The following SLC35F3 variants were observed in gnomAD, a reference collection of about 807,000 sequenced individuals.
SLC35F3 encodes putative thiamine transporter SLC35F3.
A neutral mutation model predicts 49.9 loss-of-function variants in SLC35F3; 25 were observed. The ratio of observed to expected loss-of-function variants is 0.50; its 90% confidence interval spans 0.37 to 0.70. The LOEUF (loss-of-function observed/expected upper bound fraction) is 0.70, where lower values mean the gene tolerates loss of function less well. Among genes scored for constraint, SLC35F3 ranks in the 30% least tolerant of loss-of-function variants. SLC35F3 has a pLI of 0.00. For missense variants in SLC35F3, 525 were observed against 639.8 expected, an observed-to-expected ratio of 0.82 and a Z score of 1.94; for synonymous variants, 275 against 265.4, an observed-to-expected ratio of 1.04 and a Z score of -0.35.
At chr1:234,290,745 G>T (rs1668494093) in intron 3 of SLC35F3, among the ~76,000 whole-genome samples, 1 of 152,236 alleles carries the variant, frequency 6.6e-6, no homozygotes, top group South Asian at 2.1e-4. Context: ...TTACTAGAAA[G>T]ATATTATAGA....
intron 2 of SLC35F3, among the ~76,000 whole-genome samples, chr1:234,001,905 G>T (rs1437061622): frequency 6.6e-6 from 1 of 152,212 alleles, no homozygotes; most frequent in African/African-American, 2.4e-5. Flanking sequence ...TCATCATCAA[G>T]CTGTCCTAAA....
At chr1:233,969,060 T>TTGG (rs147668566) in intron 2 of SLC35F3, among the ~76,000 whole-genome samples, 1 of 145,524 alleles carries the variant, frequency 6.9e-6, no homozygotes, top group African/African-American at 2.6e-5. Flanking sequence ...TGACATATTT[T>TTGG]GGGGGGGGGG....
chr1:234,138,272 A>G (rs967821833), intron 2 of SLC35F3, among the ~76,000 whole-genome samples: 1 of 152,218 alleles, frequency 6.6e-6, no homozygotes, highest in Non-Finnish European at 1.5e-5. Flanking sequence ...GGTGAGGATT[A>G]AATAAGACAA....
chr1:234,211,607 C>A (rs962920798), intron 2 of SLC35F3, among the ~76,000 whole-genome samples: 2 of 152,204 alleles, frequency 1.3e-5, no homozygotes, highest in African/African-American at 4.8e-5. Context: ...TTGCATGAGG[C>A]CTGTAGCCAC....
intron 2 of SLC35F3, among the ~76,000 whole-genome samples, chr1:234,192,342 C>T (rs900154841): frequency 1.3e-4 from 20 of 152,056 alleles, no homozygotes; most frequent in Admixed American, 2.6e-4. Context: ...GAATTAAAAA[C>T]AAAAATCACA....
In SLC35F3 at chr1:234,252,971, C is replaced by T. The variant is rs183679216; in HGVS notation, c.608+21230C>T. Among the ~76,000 whole-genome samples, 42 of 152,226 alleles carry T rather than the reference C, an allele frequency of 2.8e-4. 1 individual carries two copies. Among genetic ancestry groups the T allele is most frequent in the Middle Eastern group, 3.4e-3 (1 of 294 alleles). Reference sequence around the variant, plus strand: ...TAATTAGCTAAAGATTAGAAACAACCTAAAATATTCAACAATCAGGAACTG... The same window carrying T: ...TAATTAGCTAAAGATTAGAAACAACTTAAAATATTCAACAATCAGGAACTG... On this transcript the variant is annotated intron_variant, in intron 3 of 7. Transcript: ENST00000366618.
At chr1:233,946,640 T>C (rs374934110) in intron 2 of SLC35F3, among the ~76,000 whole-genome samples, 1 of 152,350 alleles carries the variant, frequency 6.6e-6, no homozygotes, top group East Asian at 1.9e-4. Flanking sequence ...CAATGCTTGT[T>C]ATGGTCAGTG....
At chr1:234,185,966 A>G (rs1269558419) in intron 2 of SLC35F3, among the ~76,000 whole-genome samples, 3 of 152,192 alleles carry the variant, frequency 2.0e-5, no homozygotes, top group African/African-American at 7.2e-5. Context: ...GTCTGTAAAA[A>G]GATTCCTAGT....
intron 2 of SLC35F3, among the ~76,000 whole-genome samples, chr1:234,008,252 G>A (rs9435540): frequency 0.49 from 74,488 of 152,086 alleles, 20,515 homozygotes; most frequent in Non-Finnish European, 0.63. Context: ...TGCTGGTATT[G>A]AATTCAGGGA....
intron 2 of SLC35F3, among the ~76,000 whole-genome samples, chr1:234,195,344 CCA>C (rs1157524605): frequency 6.6e-6 from 1 of 152,174 alleles, no homozygotes; most frequent in African/African-American, 2.4e-5. Context: ...CCATCCAATT[CCA>C]CAGTCCAATT....
At chr1:234,111,453 G>A (rs1016510452) in intron 2 of SLC35F3, among the ~76,000 whole-genome samples, 2 of 152,156 alleles carry the variant, frequency 1.3e-5, no homozygotes, top group Non-Finnish European at 2.9e-5. Flanking sequence ...CACCATGCCT[G>A]GCTAATTTTC....
intron 2 of SLC35F3, among the ~76,000 whole-genome samples, chr1:233,951,422 G>A (rs1662606332): frequency 6.6e-6 from 1 of 151,804 alleles, no homozygotes; most frequent in Non-Finnish European, 1.5e-5. Flanking sequence ...TCCATTCATG[G>A]TAAGTGCCCT....
At chr1:234,293,116 A>G (rs946911424) in intron 3 of SLC35F3, among the ~76,000 whole-genome samples, 1 of 152,242 alleles carries the variant, frequency 6.6e-6, no homozygotes, top group African/African-American at 2.4e-5. Context: ...AGATGAGAGT[A>G]ACTTTATTTT....
intron 2 of SLC35F3, among the ~76,000 whole-genome samples, chr1:234,060,805 T>C (rs1479391093): frequency 6.6e-6 from 1 of 152,172 alleles, no homozygotes. Flanking sequence ...TCTGTTTCTC[T>C]CCATTTCTTC....
chr1:233,952,778 T>C (rs2102805924), intron 2 of SLC35F3, among the ~76,000 whole-genome samples: 1 of 152,252 alleles, frequency 6.6e-6, no homozygotes, highest in Non-Finnish European at 1.5e-5. Context: ...ACATGTGCAC[T>C]GCTGTCCATT....
chr1:234,111,037 G>C (rs1217172098), intron 2 of SLC35F3, among the ~76,000 whole-genome samples: 1 of 152,068 alleles, frequency 6.6e-6, no homozygotes, highest in East Asian at 1.9e-4. Flanking sequence ...TGAGATTTTA[G>C]AACATTGTTA....
chr1:233,954,132 G>A lies in SLC35F3; in HGVS notation c.283+48374G>A, dbSNP rs190843393. 1.7e-4 allele frequency among the ~76,000 whole-genome samples: 25 copies of A among 151,092 alleles called. No individual in the cohort carries two copies. In the East Asian group the frequency reaches 3.0e-3, roughly 18 times the overall value. The stretch of plus-strand genomic sequence containing the variant: ...AGCTATTCTCCTGCCTCGGCCTCCC[G>A]AGTAGCTGGGACTACAGGCATGTGC... On this transcript the variant is annotated intron_variant, in intron 2 of 7. Transcript: ENST00000366618.
intron 2 of SLC35F3, among the ~76,000 whole-genome samples, chr1:234,123,729 T>A (rs1190841108): frequency 6.6e-6 from 1 of 152,178 alleles, no homozygotes; most frequent in Non-Finnish European, 1.5e-5. Context: ...AGCATTGATT[T>A]CTAATCCAAC....
At chr1:233,966,259 A>C (rs1662904417) in intron 2 of SLC35F3, among the ~76,000 whole-genome samples, 1 of 152,228 alleles carries the variant, frequency 6.6e-6, no homozygotes, top group Non-Finnish European at 1.5e-5. Flanking sequence ...AAAGATTTTC[A>C]ATAAGAGGTG....
Sources: gnomAD v4.1 joint callset for allele counts (sites outside exome capture counted in the v4.1 genomes callset) on GRCh38, gnomAD v4.1.1 for gene constraint, MANE v1.5 for transcripts, NCBI Gene and HGNC (gene_info 2026-07-23, HGNC 2026-07-21) for gene names.